Variants in EPB41L3 observed in about 807,000 individuals in gnomAD.
EPB41L3 encodes erythrocyte membrane protein band 4.1 like 3, also known as band 4.1-like protein 3.
EPB41L3 carries 57 observed loss-of-function variants against 127.1 expected under a neutral mutation model. That is an observed-to-expected ratio of 0.45 (90% CI 0.36 to 0.56). The LOEUF (loss-of-function observed/expected upper bound fraction) is 0.56, where lower values mean the gene tolerates loss of function less well. EPB41L3 is among the 20% of genes least tolerant of loss of function. EPB41L3 has a pLI of 0.00. For synonymous variants in EPB41L3, 572 were observed against 549.5 expected, an observed-to-expected ratio of 1.04 and a Z score of -0.57; for missense variants, 1,273 against 1,372.2, an observed-to-expected ratio of 0.93 and a Z score of 1.14.
chr18:5,512,945 T>A (rs1193305627), intron 1 of EPB41L3, among the ~76,000 whole-genome samples: 1 of 152,102 alleles, frequency 6.6e-6, no homozygotes, highest in Non-Finnish European at 1.5e-5. Flanking sequence ...TAAAGAAGCA[T>A]CAGTAAGCAG....
intron 16 of EPB41L3, among the ~76,000 whole-genome samples, chr18:5,405,032 T>C (rs1185958607): frequency 1.3e-5 from 2 of 152,242 alleles, no homozygotes; most frequent in Non-Finnish European, 2.9e-5. Context: ...AGTCGTACTT[T>C]TCACTTATTC....
intron 3 of EPB41L3, chr18:5,610,177 C>T (rs545777387): frequency 6.1e-6 from 6 of 985,332 alleles, no homozygotes; most frequent in East Asian, 1.1e-4. Context: ...GCAAAGGTAA[C>T]GTATTTCCAG....
chr18:5,432,448 G>A (rs2079127239), intron 8 of EPB41L3, among the ~76,000 whole-genome samples: 1 of 152,144 alleles, frequency 6.6e-6, no homozygotes, highest in African/African-American at 2.4e-5. Context: ...TCATCCTGTT[G>A]GACCCAGTCA....
chr18:5,396,174 G>C (rs2073419717), intron 19 of EPB41L3, 27 bp downstream of exon 19: 2 of 1,613,918 alleles, frequency 1.2e-6, no homozygotes, highest in Non-Finnish European at 1.7e-6. Context: ...AAGCAGCCAG[G>C]GCTCTGGTCT....
intron 1 of EPB41L3, among the ~76,000 whole-genome samples, chr18:5,529,424 C>A (rs958017777): frequency 1.2e-4 from 18 of 152,126 alleles, no homozygotes; most frequent in African/African-American, 4.3e-4. Flanking sequence ...GCACCGCCCT[C>A]CTCTCAGCCC....
chr18:5,577,606 A>C, intron 3 of EPB41L3: 1 of 230,310 alleles, frequency 4.3e-6, no homozygotes, highest in Non-Finnish European at 8.6e-6. Flanking sequence ...TTCTTCTTCT[A>C]ATATTTCCCC....
intron 1 of EPB41L3, among the ~76,000 whole-genome samples, chr18:5,527,311 C>T (rs1021673842): frequency 6.6e-6 from 1 of 152,166 alleles, no homozygotes; most frequent in Non-Finnish European, 1.5e-5. Context: ...GCAAGCTCTT[C>T]TCATCACGGA....
chr18:5,555,985 G>A (rs530980287), intron 3 of EPB41L3, among the ~76,000 whole-genome samples: 33 of 152,226 alleles, frequency 2.2e-4, no homozygotes, highest in African/African-American at 6.5e-4. Flanking sequence ...GCACCTATGC[G>A]TTTGTGTGTG....
intron 3 of EPB41L3, among the ~76,000 whole-genome samples, chr18:5,604,679 T>G (rs537889519): frequency 3.3e-5 from 5 of 152,156 alleles, no homozygotes; most frequent in Admixed American, 2.0e-4. Context: ...GTCTCGAACT[T>G]CTGGCCTCAA....
chr18:5,520,613 G>C (rs1176746164), intron 1 of EPB41L3, among the ~76,000 whole-genome samples: 2 of 148,194 alleles, frequency 1.3e-5, no homozygotes, highest in African/African-American at 4.9e-5. Flanking sequence ...CTTACAAAAG[G>C]CAGACAATGA....
rs151294672 is a variant in EPB41L3, at chr18:5,397,378, C to T, written c.2521G>A (p.Val841Met). The T allele has an allele frequency of 2.9e-3, 4,717 of 1,613,866 alleles. 18 individuals are homozygous for T. Among genetic ancestry groups the T allele is most frequent in the South Asian group, 9.5e-3 (869 of 91,038 alleles). Residue 841 changes from valine to methionine, a missense_variant, in exon 18 of 23, where the codon GTG becomes ATG. Physicochemically the swap from Val to Met is conservative, Grantham distance 21 (BLOSUM62 1). Transcript: ENST00000341928. This position sits in a 1 kb window ranked among gnomAD's most constrained non-coding sequence, Gnocchi z 4.1. Reference protein sequence around the residue: ...ESSGIETEPTVHHLPLSTEKV... With the variant: ...ESSGIETEPTMHHLPLSTEKV... ...TCAGTGCTAAGCGGCAGGTGGTGCA[C>T]GGTGGGTTCCGTCTCTATTCCACTG... is the stretch of plus-strand genomic sequence containing the variant.
intron 3 of EPB41L3, among the ~76,000 whole-genome samples, chr18:5,452,811 A>G (rs901989695): frequency 1.3e-5 from 2 of 152,128 alleles, no homozygotes; most frequent in African/African-American, 2.4e-5. Context: ...TGTGTTTTTA[A>G]AAAACGGAGA....
intron 1 of EPB41L3, chr18:5,540,474 A>C (rs531965623): frequency 5.1e-6 from 5 of 985,456 alleles, no homozygotes; most frequent in Non-Finnish European, 6.0e-6. Flanking sequence ...TGATGTCACA[A>C]CACCAGGCAG....
At chr18:5,504,150 AC>A (rs2091965274) in intron 1 of EPB41L3, among the ~76,000 whole-genome samples, 1 of 152,188 alleles carries the variant, frequency 6.6e-6, no homozygotes, top group Non-Finnish European at 1.5e-5. Context: ...ATTCCCAGCT[AC>A]CTTCAGTTTC....
At chr18:5,623,608 A>C (rs1056372417) in intron 1 of EPB41L3, among the ~76,000 whole-genome samples, 1 of 152,088 alleles carries the variant, frequency 6.6e-6, no homozygotes, top group Non-Finnish European at 1.5e-5. Flanking sequence ...CCTGACCCCA[A>C]ATATATAGTA....
chr18:5,461,936 C>T (rs868054682), intron 3 of EPB41L3, among the ~76,000 whole-genome samples: 29 of 152,162 alleles, frequency 1.9e-4, no homozygotes, highest in African/African-American at 6.8e-4. Context: ...AATCCTTTGC[C>T]TCTCTGCTGT....
intron 1 of EPB41L3, among the ~76,000 whole-genome samples, chr18:5,498,612 G>GAAAA (rs2091434225): frequency 1.9e-5 from 1 of 51,870 alleles, no homozygotes; most frequent in African/African-American, 6.0e-5. Flanking sequence ...AAAAAAAAAA[G>GAAAA]AAAATGGACT....
At chr18:5,548,366 T>G (rs1008167678), upstream of EPB41L3, among the ~76,000 whole-genome samples, 1 of 152,224 alleles carries the variant, frequency 6.6e-6, no homozygotes. Flanking sequence ...TTCAGGGGTC[T>G]GTCTACATGC....
chr18:5,438,160 C>A (rs770774454), intron 5 of EPB41L3, 50 bp from the exon 6 acceptor site: 6 of 1,564,272 alleles, frequency 3.8e-6, no homozygotes, highest in South Asian at 1.1e-5. Context: ...ATTCTTATGA[C>A]TCTAATCGAT....
Sources: allele counts gnomAD v4.1 joint callset (sites outside exome capture counted in the v4.1 genomes callset), GRCh38; gene constraint gnomAD v4.1.1; non-coding constraint Gnocchi (gnomAD v3.1); transcripts MANE v1.5; gene names NCBI Gene and HGNC (gene_info 2026-07-23, HGNC 2026-07-21).